NR5A1: variants seen among roughly 807,000 people sequenced by gnomAD.
The protein encoded by NR5A1 is nuclear receptor subfamily 5 group A member 1.
In NR5A1, 6 loss-of-function variants were observed where a neutral mutation model predicts 42.7. That is an observed-to-expected ratio of 0.14 (90% CI 0.08 to 0.28). The LOEUF is 0.28. NR5A1 is among the 10% of genes least tolerant of loss of function. NR5A1 has a pLI of 1.00. For synonymous variants in NR5A1, 274 were observed against 277.5 expected (o/e 0.99, Z 0.12); for missense variants, 442 against 626.4 (o/e 0.71, Z 3.14).
In NR5A1 at chr9:124,500,586, G is replaced by T. The variant is rs780952265; in HGVS notation, c.374C>A (p.Pro125Gln). The T allele has an allele frequency of 4.3e-6, 7 of 1,611,858 alleles. No homozygotes were observed. The African/African-American group carries it at 8.0e-5, about 18-fold the overall frequency. ...AGGGGGCGGCGGGGGCACCCCCATC[G>T]GGGGCCCTGTCTCCAGCTTGAAGCC... is the stretch of plus-strand genomic sequence containing the variant. ...ANGFKLETGP[P>Q]MGVPPPPPPA... The change falls in exon 4 of 7, where the codon CCG (proline) becomes CAG (glutamine). Residue 125 changes from proline (P) to glutamine (Q), a missense_variant. Transcript: ENST00000373588. The surrounding 1 kb of genome is among the most constrained non-coding windows in gnomAD (Gnocchi z 6.9).
chr9:124,482,660 A>G lies in NR5A1; in HGVS notation c.*98T>C. On this transcript the variant is annotated 3_prime_UTR_variant, in exon 7 of 7. Coordinates refer to ENST00000373588, the MANE Select transcript of NR5A1 (RefSeq NM_004959.5). ...GGGCTGGGGCTCCTCGGTGGGCATC[A>G]GAAAATGAACCATGCGGAGCCAGCG... 7.2e-7 allele frequency: 1 copy of G among 1,385,646 alleles called. No individual in the cohort carries two copies. Among genetic ancestry groups the G allele is most frequent in the Non-Finnish European group, 9.9e-7 (1 of 1,012,824 alleles). The allele number at this position is 1,385,646 out of a possible 1,614,324, so 85.8% of individuals were successfully genotyped here. A position where few individuals can be genotyped will look rare whatever the true frequency, so the allele number is the denominator to read the frequency against.
chr9:124,491,797 C>T (rs755847255), intron 5 of NR5A1, among the ~76,000 whole-genome samples: 1 of 152,080 alleles, frequency 6.6e-6, no homozygotes, highest in Non-Finnish European at 1.5e-5. Context: ...ACACATACAC[C>T]CATGTATGTG....
In NR5A1 at chr9:124,500,690, A is replaced by G; in HGVS notation, c.270T>C (p.Gly90=). The change falls in exon 4 of 7, where the codon GGT becomes GGC. Residue 90 remains glycine, a synonymous_variant. Coordinates refer to ENST00000373588, the MANE Select transcript of NR5A1 (RefSeq NM_004959.5). This position sits in a 1 kb window ranked among gnomAD's most constrained non-coding sequence, Gnocchi z 6.9. The stretch of plus-strand genomic sequence containing the variant: ...ACATCGGCCCAAACTTGTTCCGGCC[A>G]CCCCTCATACGGTCAGCGCGCACGG... The part of the protein sequence containing the change: ...LEAVRADRMR[G]GRNKFGPMYK... 6.2e-7 allele frequency: 1 copy of G among 1,612,932 alleles called. No homozygotes were observed. The highest frequency in any genetic ancestry group is 8.5e-7 in the Non-Finnish European group (1 of 1,180,002).
chr9:124,505,286 T>C (rs1832539992), intron 1 of NR5A1, among the ~76,000 whole-genome samples: 1 of 152,156 alleles, frequency 6.6e-6, no homozygotes, highest in African/African-American at 2.4e-5. Flanking sequence ...TGAACCCAGC[T>C]GGGTCGTGGC....
At chr9:124,505,095 T>G (rs1484851526) in intron 1 of NR5A1, among the ~76,000 whole-genome samples, 5 of 151,796 alleles carry the variant, frequency 3.3e-5, no homozygotes, top group African/African-American at 1.2e-4. Flanking sequence ...CGGCACCCTC[T>G]CCGCAGTCCA....
rs1232679142 is a variant in NR5A1 at position 124,482,439 on chromosome 9, T to C, written c.*319A>G. ...GAATCCCGAACCTCCTCCCCGGACC[T>C]GCAGGCTTCAGACTCCAGGAGAGAG... On this transcript the variant is annotated 3_prime_UTR_variant, in exon 7 of 7. Coordinates refer to ENST00000373588, the MANE Select transcript of NR5A1 (RefSeq NM_004959.5). The C allele has an allele frequency of 4.9e-6, 2 of 411,268 alleles. No homozygotes were observed. Among genetic ancestry groups the C allele is most frequent in the African/African-American group, 4.1e-5 (2 of 48,454 alleles). 25.5% of individuals were successfully genotyped at this position (411,268 alleles called of 1,614,324 possible).
chr9:124,496,059 T>C lies in NR5A1; in HGVS notation c.871-2910A>G, dbSNP rs1352864889. 2.0e-5 allele frequency among the ~76,000 whole-genome samples: 3 copies of C among 152,312 alleles called. No individual in the cohort carries two copies. The highest frequency in any genetic ancestry group is 1.3e-4 in the Admixed American group (2 of 15,296). ...CTGCTGTTGGTTCTTACGTGGATGC[T>C]GCCCGGCCGGGATCCCACCTGCCCC... On this transcript the variant is annotated intron_variant, in intron 4 of 6. Coordinates refer to ENST00000373588, the MANE Select transcript of NR5A1 (RefSeq NM_004959.5). This position sits in a 1 kb window ranked among gnomAD's most constrained non-coding sequence, Gnocchi z 5.0.
rs548288863 is a variant in NR5A1, at chr9:124,495,864, G to A, written c.871-2715C>T. On this transcript the variant is annotated intron_variant, in intron 4 of 6. Transcript: ENST00000373588. Reference sequence around the variant, plus strand: ...CTGATAGGGGTGCCAGGGGCACAGAGCCACAATATGGTCGCTGAGGCTTTG... The same window carrying A: ...CTGATAGGGGTGCCAGGGGCACAGAACCACAATATGGTCGCTGAGGCTTTG... 2.6e-5 allele frequency among the ~76,000 whole-genome samples: 4 copies of A among 152,372 alleles called. No individual in the cohort carries two copies. The South Asian group carries it at 8.3e-4, about 32-fold the overall frequency.
chr9:124,484,406 A>C (rs968383400), intron 6 of NR5A1, among the ~76,000 whole-genome samples: 1 of 152,184 alleles, frequency 6.6e-6, no homozygotes, highest in Non-Finnish European at 1.5e-5. Flanking sequence ...CAAAAATCAC[A>C]GAAGGGAGGT....
chr9:124,484,253 G>C (rs567749370), intron 6 of NR5A1, among the ~76,000 whole-genome samples: 141 of 152,330 alleles, frequency 9.3e-4, no homozygotes, highest in African/African-American at 3.2e-3. Flanking sequence ...CAAAGCTCAT[G>C]AGTCAGGGGC....
chr9:124,489,503 C>T (rs1160367815), intron 6 of NR5A1, among the ~76,000 whole-genome samples: 1 of 152,258 alleles, frequency 6.6e-6, no homozygotes, highest in Non-Finnish European at 1.5e-5. Context: ...AGCACGCACG[C>T]ATGCAGAGAC....
rs775899621 is a variant in NR5A1, at chr9:124,501,097, G to A, written c.245-382C>T. 1.4e-5 allele frequency: 7 copies of A among 506,996 alleles called. No individual in the cohort carries two copies. The highest frequency in any genetic ancestry group is 6.2e-5 in the South Asian group (4 of 64,758). The allele number at this position is 506,996 out of a possible 1,614,324, so 31.4% of individuals were successfully genotyped here. On this transcript the variant is annotated intron_variant, in intron 3 of 6. Transcript: ENST00000373588. This position sits in a 1 kb window ranked among gnomAD's most constrained non-coding sequence, Gnocchi z 4.1. The stretch of plus-strand genomic sequence containing the variant: ...GAAGCACTCCTGGATTCATGCAAAC[G>A]GGCTCTACTGTCCTTGCCCCAGGTG...
chr9:124,488,842 C>A (rs1413022101), intron 6 of NR5A1, among the ~76,000 whole-genome samples: 1 of 152,262 alleles, frequency 6.6e-6, no homozygotes, highest in African/African-American at 2.4e-5. Flanking sequence ...GCTGTGCCAC[C>A]TTGCTTCTGT....
chr9:124,491,790 C>A (rs538565454), intron 5 of NR5A1, among the ~76,000 whole-genome samples: 15 of 152,162 alleles, frequency 9.9e-5, no homozygotes, highest in African/African-American at 2.4e-5. Flanking sequence ...CACGGCAACA[C>A]ATACACCCAT....
chr9:124,482,779 C>G lies in NR5A1; in HGVS notation c.1365G>C (p.Met455Ile). The G allele has an allele frequency of 7.3e-7, 1 of 1,378,432 alleles. No individual in the cohort carries two copies. Among genetic ancestry groups the G allele is most frequent in the Non-Finnish European group, 9.7e-7 (1 of 1,034,938 alleles). The allele number at this position is 1,378,432 out of a possible 1,614,324, so 85.4% of individuals were successfully genotyped here. A position where few individuals can be genotyped will look rare whatever the true frequency, so the allele number is the denominator to read the frequency against. The change falls in exon 7 of 7, where the codon ATG becomes ATC. Residue 455 changes from methionine to isoleucine, a missense_variant. Transcript: ENST00000373588. ...AGGCTCAAGTCTGCTTGGCTTGCAGCATTTCGATGAGCAGGTTGTTGCGGG... is the reference window on the plus strand; with the variant it reads ...AGGCTCAAGTCTGCTTGGCTTGCAGGATTTCGATGAGCAGGTTGTTGCGGG... ...EMPRNNLLIE[M>I]LQAKQT
chr9:124,501,123 C>T lies in NR5A1; in HGVS notation c.245-408G>A, dbSNP rs1003636222. ...GGCTCTACTGTCCTTGCCCCAGGTG[C>T]CCTGTCCTTGCCCACTCTTATCATG... On this transcript the variant is annotated intron_variant, in intron 3 of 6. Transcript: ENST00000373588. The surrounding 1 kb of genome is among the most constrained non-coding windows in gnomAD (Gnocchi z 4.1). 6.3e-6 allele frequency: 3 copies of T among 477,718 alleles called. No homozygotes were observed. The highest frequency in any genetic ancestry group is 2.4e-5 in the Admixed American group (1 of 42,544). The allele number at this position is 477,718 out of a possible 1,614,324, so 29.6% of individuals were successfully genotyped here. A position where few individuals can be genotyped will look rare whatever the true frequency, so the allele number is the denominator to read the frequency against.
At position 124,482,106 on chromosome 9, in the gene NR5A1, GT is replaced by G. The variant is rs756798779; in HGVS notation, c.*651del. On this transcript the variant is annotated 3_prime_UTR_variant, in exon 7 of 7. Transcript: ENST00000373588. ...GGGAATCAGTGATGCCTGGAGCAAA[GT>G]TTTTTCCCGATGATGTATCAATGCC... 4.5e-5 allele frequency: 7 copies of G among 154,010 alleles called. No homozygotes were observed. The East Asian group carries it at 5.8e-4, about 13-fold the overall frequency. 9.5% of individuals were successfully genotyped at this position (154,010 alleles called of 1,614,324 possible).
rs138924228 is a variant in NR5A1 at position 124,483,786 on chromosome 9, A to G, written c.1139-781T>C. Among the ~76,000 whole-genome samples, 89 of 152,302 alleles carry G rather than the reference A, an allele frequency of 5.8e-4. 2 individuals are homozygous for G. The South Asian group carries it at 7.7e-3, about 13-fold the overall frequency. ...TGGGAGTATCCCATCTCATGCTGCA[A>G]TGCAGGAGGACTGGTGGCCCCATTC... On this transcript the variant is annotated intron_variant, in intron 6 of 6. Coordinates refer to ENST00000373588, the MANE Select transcript of NR5A1 (RefSeq NM_004959.5).
At chr9:124,491,037 G>GGGGGGGGCCCC in intron 6 of NR5A1, 44 bp downstream of exon 6, 4 of 302,888 alleles carry the variant, frequency 1.3e-5, no homozygotes, top group Non-Finnish European at 1.7e-5. Flanking sequence ...CCACCCACCC[G>GGGGGGGGCCCC]CCTCTGGCTG....
Sources: gnomAD v4.1 joint callset for allele counts (sites outside exome capture counted in the v4.1 genomes callset) on GRCh38, gnomAD v4.1.1 for gene constraint, Gnocchi (gnomAD v3.1) non-coding constraint, MANE v1.5 for transcripts, NCBI Gene and HGNC (gene_info 2026-07-23, HGNC 2026-07-21) for gene names.